The following CSGALNACT1 variants were observed in gnomAD, a reference collection of about 807,000 sequenced individuals.
The protein encoded by CSGALNACT1 is chondroitin sulfate N-acetylgalactosaminyltransferase 1.
Under a neutral mutation model 51.0 loss-of-function variants are expected in CSGALNACT1, and 52 were observed. The ratio of observed to expected loss-of-function variants is 1.02; its 90% CI spans 0.82 to 1.29. The LOEUF is 1.29. CSGALNACT1 is among the 50% of genes most tolerant of loss of function. The pLI, the probability that CSGALNACT1 is intolerant of heterozygous loss-of-function variation, is 0.00. For synonymous variants in CSGALNACT1, 341 were observed against 254.4 expected, an observed-to-expected ratio of 1.34 and a Z score of -3.24; for missense variants, 935 against 679.2, an observed-to-expected ratio of 1.38 and a Z score of -4.19.
chr8:19,405,801 CTTCTGT>C, exon 10 of CSGALNACT1: 5 of 1,614,138 alleles, frequency 3.1e-6, no homozygotes, highest in Middle Eastern at 1.6e-4. Flanking sequence ...TGCTACTTGT[CTTCTGT>C]TTCTGTTTGC....
At chr8:19,452,027 T>G (rs559874740) in intron 5 of CSGALNACT1, among the ~76,000 whole-genome samples, 1 of 152,254 alleles carries the variant, frequency 6.6e-6, no homozygotes, top group Non-Finnish European at 1.5e-5. Context: ...CATTGCAAAC[T>G]GTGTGCCAAA....
chr8:19,605,914 A>G (rs1404983870), upstream of CSGALNACT1, among the ~76,000 whole-genome samples: 1 of 152,240 alleles, frequency 6.6e-6, no homozygotes, highest in Non-Finnish European at 1.5e-5. Context: ...AATTCATCCT[A>G]TTTAATGTAC....
intron 3 of CSGALNACT1, among the ~76,000 whole-genome samples, chr8:19,555,063 A>C (rs2089367834): frequency 6.6e-6 from 1 of 151,848 alleles, no homozygotes; most frequent in Non-Finnish European, 1.5e-5. Context: ...ACATGGTGAA[A>C]CCTTGTCTCT....
Position 19,700,516 on chromosome 8 carries a change from G to A in CSGALNACT1, c.-297+57334C>T, listed in dbSNP as rs187217776. 9.7e-4 allele frequency among the ~76,000 whole-genome samples: 147 copies of A among 152,262 alleles called. 1 individual carries two copies. The highest frequency in any genetic ancestry group is 3.4e-3 in the African/African-American group (140 of 41,538). On this transcript the variant is annotated intron_variant, in intron 1 of 1. Transcript: ENST00000517494. ...AAATATGATAGAAAGGATACGGACCGTATGACACAGCCTTCCTCACCATTA... is the reference window on the plus strand; with the variant it reads ...AAATATGATAGAAAGGATACGGACCATATGACACAGCCTTCCTCACCATTA...
upstream of CSGALNACT1, among the ~76,000 whole-genome samples, chr8:19,605,837 C>T (rs554553749): frequency 6.6e-6 from 1 of 152,146 alleles, no homozygotes; most frequent in Non-Finnish European, 1.5e-5. Flanking sequence ...AAATCATCTA[C>T]TGAAAAGAGC....
At chr8:19,506,449 G>T (rs1039907152) in intron 3 of CSGALNACT1, among the ~76,000 whole-genome samples, 1 of 152,160 alleles carries the variant, frequency 6.6e-6, no homozygotes, top group Non-Finnish European at 1.5e-5. Context: ...GCATAGTGGC[G>T]CAAGTCCTGA....
chr8:19,749,815 CCAGA>C (rs1414428678), intron 1 of CSGALNACT1, among the ~76,000 whole-genome samples: 3 of 152,146 alleles, frequency 2.0e-5, no homozygotes, highest in Non-Finnish European at 4.4e-5. Context: ...GTAGTTATTG[CCAGA>C]CAACTAATAA....
Position 19,493,012 on chromosome 8 carries a change from G to C in CSGALNACT1, c.634+12189C>G, listed in dbSNP as rs1435903946. Among the ~76,000 whole-genome samples, 6 of 149,300 alleles carry C rather than the reference G, an allele frequency of 4.0e-5. No homozygotes were observed. The East Asian group carries it at 5.9e-4, about 15-fold the overall frequency. ...CAAGCACTGACATAAGTGAGAAAGA[G>C]AATCGACATCAATAAATTCGATAGC... On this transcript the variant is annotated intron_variant, in intron 4 of 9. Transcript: ENST00000454498.
At chr8:19,483,136 A>G (rs766433273) in intron 4 of CSGALNACT1, among the ~76,000 whole-genome samples, 4 of 152,160 alleles carry the variant, frequency 2.6e-5, no homozygotes, top group Admixed American at 6.5e-5. Flanking sequence ...TGCTACCACA[A>G]ATGAAGCTGG....
At chr8:19,425,600 C>T (rs2153709246) in intron 6 of CSGALNACT1, among the ~76,000 whole-genome samples, 1 of 152,288 alleles carries the variant, frequency 6.6e-6, no homozygotes, top group South Asian at 2.1e-4. Context: ...TACCTCACTG[C>T]CTGCTCTCCA....
At chr8:19,643,646 A>T (rs1441242932) in intron 1 of CSGALNACT1, among the ~76,000 whole-genome samples, 1 of 152,180 alleles carries the variant, frequency 6.6e-6, no homozygotes, top group African/African-American at 2.4e-5. Flanking sequence ...TTAAAAAAAA[A>T]AAAAAAGTGT....
intron 1 of CSGALNACT1, among the ~76,000 whole-genome samples, chr8:19,642,696 G>A (rs1175127592): frequency 6.6e-6 from 1 of 151,930 alleles, no homozygotes; most frequent in Admixed American, 6.6e-5. Flanking sequence ...TGAGGTGAGA[G>A]GATCGTTTGG....
intron 4 of CSGALNACT1, among the ~76,000 whole-genome samples, chr8:19,492,615 G>T (rs2074594407): frequency 6.6e-6 from 1 of 152,168 alleles, no homozygotes. Context: ...TTGCCCTAAA[G>T]GCTTTCAGGA....
intron 5 of CSGALNACT1, among the ~76,000 whole-genome samples, chr8:19,443,130 A>G (rs2061584763): frequency 6.6e-6 from 1 of 152,124 alleles, no homozygotes; most frequent in Non-Finnish European, 1.5e-5. Flanking sequence ...GCTTTCCCAC[A>G]TCAGCTATTT....
chr8:19,550,712 C>T (rs1428480297), intron 3 of CSGALNACT1, among the ~76,000 whole-genome samples: 2 of 152,078 alleles, frequency 1.3e-5, no homozygotes, highest in African/African-American at 2.4e-5. Flanking sequence ...TTTCGGGGGG[C>T]AGGGGCCTTC....
At chr8:19,620,362 T>G (rs2053661624) in intron 1 of CSGALNACT1, among the ~76,000 whole-genome samples, 1 of 143,630 alleles carries the variant, frequency 7.0e-6, no homozygotes, top group African/African-American at 2.6e-5. Context: ...GTGTCTGACC[T>G]ACAACGAGTA....
At chr8:19,662,201 T>G (rs554167392) in intron 1 of CSGALNACT1, among the ~76,000 whole-genome samples, 2 of 150,396 alleles carry the variant, frequency 1.3e-5, no homozygotes, top group African/African-American at 4.9e-5. Context: ...GTGATCAACA[T>G]GGTGAAACCC....
At chr8:19,741,812 T>G (rs1013358292) in intron 1 of CSGALNACT1, among the ~76,000 whole-genome samples, 2 of 152,200 alleles carry the variant, frequency 1.3e-5, no homozygotes, top group Non-Finnish European at 2.9e-5. Flanking sequence ...ATTAAGGTAA[T>G]GCTAGCTTTA....
chr8:19,552,973 T>C (rs2088592667), intron 3 of CSGALNACT1, among the ~76,000 whole-genome samples: 1 of 152,200 alleles, frequency 6.6e-6, no homozygotes, highest in South Asian at 2.1e-4. Context: ...AGACACACCC[T>C]GGAGAACATA....
Sources: allele counts gnomAD v4.1 joint callset (sites outside exome capture counted in the v4.1 genomes callset), GRCh38; gene constraint gnomAD v4.1.1; transcripts MANE v1.5; gene names NCBI Gene and HGNC (gene_info 2026-07-23, HGNC 2026-07-21).